The following SPHKAP variants were observed in gnomAD, a reference collection of about 807,000 sequenced individuals.
SPHKAP encodes SPHK1 interactor, AKAP domain containing.
A neutral mutation model predicts 137.5 loss-of-function variants in SPHKAP; 67 were observed. The ratio of observed to expected loss-of-function variants is 0.49; its 90% CI spans 0.40 to 0.60. The LOEUF (loss-of-function observed/expected upper bound fraction) is 0.60, where lower values mean the gene tolerates loss of function less well. SPHKAP is among the 20% of genes least tolerant of loss of function. The pLI, the probability that SPHKAP is intolerant of heterozygous loss-of-function variation, is 0.00. For synonymous variants in SPHKAP, 813 were observed against 785.3 expected (o/e 1.04, Z -0.59); for missense variants, 2,097 against 2,069.3 (o/e 1.01, Z -0.26).
At chr2:228,066,590 G>C (rs975832362) in intron 3 of SPHKAP, among the ~76,000 whole-genome samples, 11 of 152,266 alleles carry the variant, frequency 7.2e-5, no homozygotes, top group African/African-American at 2.4e-4. Flanking sequence ...AGAACACCCA[G>C]AGTCCCCTGA....
chr2:228,142,908 T>C (rs978217212), intron 1 of SPHKAP, among the ~76,000 whole-genome samples: 1 of 152,220 alleles, frequency 6.6e-6, no homozygotes, highest in Non-Finnish European at 1.5e-5. Flanking sequence ...CACATTCATA[T>C]GACATTTCTG....
At chr2:228,087,700 C>T (rs1474066713) in intron 3 of SPHKAP, among the ~76,000 whole-genome samples, 1 of 152,004 alleles carries the variant, frequency 6.6e-6, no homozygotes, top group Non-Finnish European at 1.5e-5. Flanking sequence ...TTTGAACTGG[C>T]AGAAGAAATA....
chr2:228,075,733 A>G (rs1304882993), intron 3 of SPHKAP, among the ~76,000 whole-genome samples: 1 of 152,188 alleles, frequency 6.6e-6, no homozygotes, highest in African/African-American at 2.4e-5. Context: ...CAAAACATGT[A>G]ATTTCTTAGG....
intron 1 of SPHKAP, among the ~76,000 whole-genome samples, chr2:228,135,046 G>A (rs1352662431): frequency 6.6e-6 from 1 of 152,204 alleles, no homozygotes; most frequent in African/African-American, 2.4e-5. Flanking sequence ...AGGCTGAGGT[G>A]GGTGGATCAC....
intron 11 of SPHKAP, 38 bp downstream of exon 11, chr2:227,990,962 A>T: frequency 6.2e-7 from 1 of 1,602,402 alleles, no homozygotes; most frequent in Non-Finnish European, 8.5e-7. Context: ...TGATGAAAAC[A>T]CAAAGCTTTC....
At chr2:228,020,666 T>C (rs953548417) in intron 6 of SPHKAP, among the ~76,000 whole-genome samples, 4 of 152,014 alleles carry the variant, frequency 2.6e-5, no homozygotes, top group African/African-American at 9.7e-5. Flanking sequence ...TGTATACATA[T>C]GTAACAAACC....
At chr2:228,149,654 T>G (rs1040668729) in intron 1 of SPHKAP, among the ~76,000 whole-genome samples, 6 of 152,158 alleles carry the variant, frequency 3.9e-5, no homozygotes, top group African/African-American at 1.4e-4. Flanking sequence ...TCTTGCATGC[T>G]TTTTTTAGAT....
intron 1 of SPHKAP, among the ~76,000 whole-genome samples, chr2:228,137,122 T>C (rs1699458738): frequency 6.6e-6 from 1 of 151,962 alleles, no homozygotes; most frequent in African/African-American, 2.4e-5. Context: ...GACACTCTTC[T>C]TGTGTATTCC....
chr2:228,049,569 A>C (rs1166867044), intron 3 of SPHKAP, among the ~76,000 whole-genome samples: 1 of 123,868 alleles, frequency 8.1e-6, no homozygotes. Flanking sequence ...ACTGCATGAC[A>C]CTAAGGTTTG....
intron 1 of SPHKAP, among the ~76,000 whole-genome samples, chr2:228,162,897 C>A (rs1208901809): frequency 6.6e-6 from 1 of 152,128 alleles, no homozygotes; most frequent in African/African-American, 2.4e-5. Flanking sequence ...TGGGGTTTCA[C>A]CATGTTGGTC....
At chr2:228,034,496 T>C (rs1028714117) in intron 3 of SPHKAP, among the ~76,000 whole-genome samples, 5 of 152,042 alleles carry the variant, frequency 3.3e-5, no homozygotes, top group African/African-American at 1.2e-4. Flanking sequence ...TTCCAATCAG[T>C]AGAAAAAGAG....
In SPHKAP at chr2:228,018,070, G is replaced by A. The variant is rs1004166047; in HGVS notation, c.2784C>T (p.Asp928=). The change falls in exon 7 of 12, where the codon GAC becomes GAT. Residue 928 remains aspartate, a synonymous_variant. Transcript: ENST00000392056. ...CCGTGTCTGCTAATTCTTCCGCAAA[G>A]TCTGTAATGCAGTAGATGTCTGGAT... The part of the protein sequence containing the change: ...TKHPDIYCIT[D]FAEELADTVV... 5 of 1,614,084 alleles carry A rather than the reference G, an allele frequency of 3.1e-6. No homozygotes were observed. In the African/African-American group the frequency reaches 5.3e-5, roughly 17 times the overall value.
At chr2:228,058,725 T>TG (rs1696534747) in intron 3 of SPHKAP, among the ~76,000 whole-genome samples, 1 of 152,216 alleles carries the variant, frequency 6.6e-6, no homozygotes, top group African/African-American at 2.4e-5. Flanking sequence ...TGGCAACAAA[T>TG]AGAAGAGTCT....
intron 3 of SPHKAP, among the ~76,000 whole-genome samples, chr2:228,083,568 C>G (rs1267946879): frequency 6.6e-6 from 1 of 152,142 alleles, no homozygotes; most frequent in Non-Finnish European, 1.5e-5. Context: ...TTTGACCCAG[C>G]AATCCCATTA....
At chr2:228,008,001 T>C (rs1574737955) in intron 7 of SPHKAP, among the ~76,000 whole-genome samples, 1 of 152,288 alleles carries the variant, frequency 6.6e-6, no homozygotes, top group African/African-American at 2.4e-5. Context: ...TAAACTGATT[T>C]AAAAATGAGT....
intron 3 of SPHKAP, among the ~76,000 whole-genome samples, chr2:228,030,239 C>T (rs545072694): frequency 1.4e-4 from 22 of 151,976 alleles, no homozygotes; most frequent in East Asian, 5.8e-4. Flanking sequence ...ATAACGGCCG[C>T]GTACGGTGGC....
At chr2:228,159,055 C>A (rs780481042) in intron 1 of SPHKAP, among the ~76,000 whole-genome samples, 1 of 152,050 alleles carries the variant, frequency 6.6e-6, no homozygotes, top group African/African-American at 2.4e-5. Flanking sequence ...TACCAATGGG[C>A]GGTGATGGAG....
intron 1 of SPHKAP, among the ~76,000 whole-genome samples, chr2:228,175,304 T>C (rs1700706763): frequency 1.3e-5 from 2 of 151,522 alleles, no homozygotes; most frequent in Admixed American, 1.3e-4. Flanking sequence ...TTTTTTTTCA[T>C]ATTTCTAATT....
At chr2:228,097,999 A>G (rs1353230885) in intron 3 of SPHKAP, among the ~76,000 whole-genome samples, 2 of 152,242 alleles carry the variant, frequency 1.3e-5, no homozygotes, top group African/African-American at 2.4e-5. Flanking sequence ...GTATATACCC[A>G]GTAATGGGAT....
Sources: allele counts gnomAD v4.1 joint callset (sites outside exome capture counted in the v4.1 genomes callset), GRCh38; gene constraint gnomAD v4.1.1; transcripts MANE v1.5; gene names NCBI Gene and HGNC (gene_info 2026-07-23, HGNC 2026-07-21).